The following NBAS variants were observed in gnomAD, a reference collection of about 807,000 sequenced individuals.
The protein encoded by NBAS is NAG/BC035112 fusion.
Under a neutral mutation model 302.5 loss-of-function variants are expected in NBAS, and 219 were observed. The observed-to-expected ratio is 0.72, with a 90% CI of 0.65 to 0.81. The LOEUF (loss-of-function observed/expected upper bound fraction) is 0.81, where lower values mean the gene tolerates loss of function less well. Among genes scored for constraint, NBAS ranks in the 30% least tolerant of loss-of-function variants. The pLI is 0.00. For missense variants in NBAS, 2,932 were observed against 2,841.6 expected, an observed-to-expected ratio of 1.03 and a Z score of -0.72; for synonymous variants, 1,118 against 1,021.6, an observed-to-expected ratio of 1.09 and a Z score of -1.80.
chr2:15,099,397 A>G, the NBAS span, among the ~76,000 whole-genome samples: 14 of 152,218 alleles, frequency 9.2e-5, no homozygotes, highest in African/African-American at 2.9e-4. Flanking sequence ...CCTTTCAAAT[A>G]TCCTACAATG....
At chr2:15,439,972 C>T (rs1159237339) in intron 21 of NBAS, among the ~76,000 whole-genome samples, 2 of 152,354 alleles carry the variant, frequency 1.3e-5, no homozygotes, top group African/African-American at 4.8e-5. Context: ...CCGCCATTGC[C>T]CAGACTTGCT....
At chr2:15,077,358 G>A in the NBAS span, among the ~76,000 whole-genome samples, 1 of 152,156 alleles carries the variant, frequency 6.6e-6, no homozygotes, top group African/African-American at 2.4e-5. Context: ...AAGATGAGAT[G>A]GGGGCACAGA....
At chr2:15,061,714 C>T in the NBAS span, among the ~76,000 whole-genome samples, 1 of 152,200 alleles carries the variant, frequency 6.6e-6, no homozygotes, top group Non-Finnish European at 1.5e-5. Context: ...TTCTCTGGCT[C>T]CTTTCCAGCT....
intron 47 of NBAS, among the ~76,000 whole-genome samples, chr2:15,231,952 T>C (rs1572492054): frequency 6.6e-6 from 1 of 152,214 alleles, no homozygotes; most frequent in Non-Finnish European, 1.5e-5. Context: ...AAAAATAGCA[T>C]CGGAGATACA....
chr2:15,093,944 T>C, the NBAS span, among the ~76,000 whole-genome samples: 1 of 152,216 alleles, frequency 6.6e-6, no homozygotes, highest in Non-Finnish European at 1.5e-5. Context: ...ACTTCACAGA[T>C]GTAAAGTGTT....
At chr2:14,988,887 C>T in the NBAS span, among the ~76,000 whole-genome samples, 1 of 152,044 alleles carries the variant, frequency 6.6e-6, no homozygotes, top group African/African-American at 2.4e-5. Context: ...TGACATAAAA[C>T]ATTTTGCCTA....
At chr2:15,296,539 CAAAACA>C (rs1402580913) in intron 40 of NBAS, among the ~76,000 whole-genome samples, 1 of 92,114 alleles carries the variant, frequency 1.1e-5, no homozygotes, top group East Asian at 6.2e-4. Flanking sequence ...AAAAACAAAA[CAAAACA>C]AAAAAAAAAA....
chr2:15,179,676 A>C (rs897085578), intron 50 of NBAS: 1 of 156,454 alleles, frequency 6.4e-6, no homozygotes. Flanking sequence ...TTTTAATGTC[A>C]AAATGAATTG....
intron 47 of NBAS, among the ~76,000 whole-genome samples, chr2:15,219,892 T>G (rs373823461): frequency 7.0e-6 from 1 of 143,398 alleles, no homozygotes; most frequent in South Asian, 2.2e-4. Flanking sequence ...CACTTCCCAG[T>G]AGGGGCGGCC....
At chr2:15,295,829 A>G (rs1192292748) in intron 40 of NBAS, among the ~76,000 whole-genome samples, 1 of 152,048 alleles carries the variant, frequency 6.6e-6, no homozygotes, top group African/African-American at 2.4e-5. Context: ...CAGCTTCCCC[A>G]CTCAGTAGAG....
At chr2:15,153,268 A>G in the NBAS span, among the ~76,000 whole-genome samples, 3 of 152,372 alleles carry the variant, frequency 2.0e-5, no homozygotes, top group African/African-American at 4.8e-5. Context: ...AATGCGCCAT[A>G]GGCAGATACA....
chr2:14,957,872 G>A, the NBAS span, among the ~76,000 whole-genome samples: 15 of 152,274 alleles, frequency 9.9e-5, no homozygotes, highest in South Asian at 3.1e-3. Context: ...CCTCACCACT[G>A]TGAGCACCTT....
At chr2:14,856,205 C>A in the NBAS span, among the ~76,000 whole-genome samples, 1 of 152,144 alleles carries the variant, frequency 6.6e-6, no homozygotes. Context: ...CAAGGCAGTA[C>A]CTCTATGAGT....
At chr2:14,895,595 C>G in the NBAS span, among the ~76,000 whole-genome samples, 483 of 152,104 alleles carry the variant, frequency 3.2e-3, 5 homozygotes, top group African/African-American at 0.011. Context: ...AAAAATTAGC[C>G]GGGTGTGGTA....
chr2:15,219,608 A>G (rs1354702491), intron 47 of NBAS, among the ~76,000 whole-genome samples: 2 of 138,746 alleles, frequency 1.4e-5, no homozygotes, highest in Non-Finnish European at 3.1e-5. Context: ...CTGAGTGGAC[A>G]CAGCACATGT....
chr2:15,117,751 G>A, the NBAS span, among the ~76,000 whole-genome samples: 3 of 152,160 alleles, frequency 2.0e-5, no homozygotes, highest in African/African-American at 4.8e-5. Context: ...GTGATACCAG[G>A]AACACAGTGT....
At chr2:14,843,563 C>G in the NBAS span, among the ~76,000 whole-genome samples, 1 of 138,190 alleles carries the variant, frequency 7.2e-6, no homozygotes, top group Admixed American at 6.8e-5. Context: ...CACAGACACA[C>G]ACACACACAC....
At chr2:15,118,243 A>C in the NBAS span, among the ~76,000 whole-genome samples, 5 of 152,130 alleles carry the variant, frequency 3.3e-5, no homozygotes, top group Admixed American at 1.3e-4. Flanking sequence ...GACAGTCATC[A>C]ATCAGGGATT....
chr2:14,810,918 T>A, the NBAS span, among the ~76,000 whole-genome samples: 366 of 152,322 alleles, frequency 2.4e-3, no homozygotes, highest in African/African-American at 8.0e-3. Context: ...GAGATTTCTG[T>A]TCTCCTCTGC....
Sources: allele counts gnomAD v4.1 joint callset (sites outside exome capture counted in the v4.1 genomes callset), GRCh38; gene constraint gnomAD v4.1.1; transcripts MANE v1.5; gene names NCBI Gene and HGNC (gene_info 2026-07-23, HGNC 2026-07-21).